IARS2: variants seen among roughly 807,000 people sequenced by gnomAD.
The protein encoded by IARS2 is isoleucyl-tRNA synthetase 2, mitochondrial.
IARS2 carries 56 observed loss-of-function variants against 126.3 expected under a neutral mutation model. The observed-to-expected ratio is 0.44, with a 90% CI of 0.36 to 0.55. The LOEUF is 0.55. Ranked by LOEUF, IARS2 falls within the 20% of genes least tolerant of loss-of-function variation. IARS2 has a pLI of 0.00. For missense variants in IARS2, 1,127 were observed against 1,245.9 expected (o/e 0.90, Z 1.44); for synonymous variants, 407 against 441.1 (o/e 0.92, Z 0.97).
intron 11 of IARS2, among the ~76,000 whole-genome samples, chr1:220,111,598 A>ATGTGTGTGTGTG (rs34903707): frequency 1.5e-5 from 2 of 134,858 alleles, no homozygotes; most frequent in East Asian, 4.4e-4. Context: ...ATATATATAT[A>ATGTGTGTGTGTG]TGTGTGTGTG....
rs138738853 is a variant in IARS2 at position 220,137,979 on chromosome 1, A to G, written c.2111A>G (p.Asn704Ser). ...DVLRWWVADSNVFTEVAIGPS... is the reference protein window; with the variant it reads ...DVLRWWVADSSVFTEVAIGPS... The stretch of plus-strand genomic sequence containing the variant: ...CTTCGCTGGTGGGTAGCTGATTCCA[A>G]TGTCTTCACCGAAGTTGCAATTGGC... Residue 704 changes from asparagine (N) to serine (S), a missense_variant, in exon 17 of 23, where the codon AAT becomes AGT. Asn to Ser is a conservative substitution (Grantham distance 46). Transcript: ENST00000366922. 1.1e-4 allele frequency: 183 copies of G among 1,614,002 alleles called. No individual in the cohort carries two copies. The highest frequency in any genetic ancestry group is 3.6e-4 in the East Asian group (16 of 44,896).
At chr1:220,135,502 G>A (rs181114065) in intron 15 of IARS2, among the ~76,000 whole-genome samples, 111 of 151,840 alleles carry the variant, frequency 7.3e-4, no homozygotes, top group Admixed American at 4.5e-3. Context: ...CTGGAATTAC[G>A]GAGCATGCCA....
intron 14 of IARS2, among the ~76,000 whole-genome samples, chr1:220,129,008 G>T (rs1433817010): frequency 6.6e-6 from 1 of 151,624 alleles, no homozygotes; most frequent in Non-Finnish European, 1.5e-5. Flanking sequence ...TCTGCCTCCT[G>T]AGTAGCTGGG....
Position 220,141,806 on chromosome 1 carries a change from C to T in IARS2, c.2418C>T (p.Leu806=). ...NFYFSIIKDR[L]YCEKENDPKR... ...TGAATAAGTTGTTCTTGTTCAGGCT[C>T]TATTGTGAAAAGGAAAATGACCCCA... Residue 806 remains leucine (L), a synonymous_variant, in exon 20 of 23, where the codon CTC becomes CTT. Transcript: ENST00000366922. 1 of 1,612,912 alleles carries T rather than the reference C, an allele frequency of 6.2e-7. No homozygotes were observed. Among genetic ancestry groups the T allele is most frequent in the Non-Finnish European group, 8.5e-7 (1 of 1,179,538 alleles).
Position 220,096,516 on chromosome 1 carries a change from T to C in IARS2, c.390+290T>C, listed in dbSNP as rs148769882. Among the ~76,000 whole-genome samples the C allele has an allele frequency of 3.7e-3, 558 of 152,344 alleles. 5 individuals are homozygous for C. The highest frequency in any genetic ancestry group is 0.012 in the African/African-American group (516 of 41,580). On this transcript the variant is annotated intron_variant, in intron 2 of 22. Coordinates refer to ENST00000366922, the MANE Select transcript of IARS2 (RefSeq NM_018060.4). ...CAGTGGACAAAAAAAAGGTATGTCT[T>C]GGCCGGGCAGTATGGCTCATGCCTG...
chr1:220,121,423 C>T (rs1657049035), intron 12 of IARS2, among the ~76,000 whole-genome samples: 1 of 152,068 alleles, frequency 6.6e-6, no homozygotes, highest in Admixed American at 6.6e-5. Context: ...GAATTTTAGA[C>T]TAGAGGTGTC....
chr1:220,117,783 G>A, intron 12 of IARS2: 1 of 460,564 alleles, frequency 2.2e-6, no homozygotes, highest in Non-Finnish European at 4.4e-6. Context: ...CATTTACATG[G>A]TAGTGTTACA....
Position 220,143,074 on chromosome 1 carries a change from T to C in IARS2, c.2691T>C (p.Asn897=), listed in dbSNP as rs147694424. 995 of 1,614,062 alleles carry C rather than the reference T, an allele frequency of 6.2e-4. 1 individual carries two copies. Among genetic ancestry groups the C allele is most frequent in the Middle Eastern group, 8.2e-4 (5 of 6,084 alleles). Residue 897 remains asparagine (N), a synonymous_variant, in exon 21 of 23, where the codon AAT becomes AAC. Transcript: ENST00000366922. ...DSFLGSIPGK[N]AAEYKVITVI... ...TTCTTGGAAGCATCCCTGGCAAAAA[T>C]GCAGCTGAGTACAAGGTTATCACTG... is the stretch of plus-strand genomic sequence containing the variant.
chr1:220,113,328 A>G (rs1381832290), intron 11 of IARS2, among the ~76,000 whole-genome samples: 7 of 152,190 alleles, frequency 4.6e-5, no homozygotes, highest in Admixed American at 2.6e-4. Context: ...CATTCTGCCA[A>G]TAGGTGGTGC....
Position 220,094,228 on chromosome 1 carries a change from G to A in IARS2, c.12G>A (p.Gly4=), listed in dbSNP as rs1370178223. 3.8e-6 allele frequency: 6 copies of A among 1,586,906 alleles called. No homozygotes were observed. Among genetic ancestry groups the A allele is most frequent in the South Asian group, 1.1e-5 (1 of 87,346 alleles). Residue 4 remains glycine, a synonymous_variant, in exon 1 of 23, where the codon GGG becomes GGA. Coordinates refer to ENST00000366922, the MANE Select transcript of IARS2 (RefSeq NM_018060.4). The part of the protein sequence containing the change: MRW[G]LRPRGPGAAA... ...GGGGTTGCCGGACCATGCGTTGGGG[G>A]CTGCGCCCTCGCGGGCCGGGCGCGG...
intron 12 of IARS2, among the ~76,000 whole-genome samples, chr1:220,124,560 C>G (rs566013574): frequency 6.6e-6 from 1 of 152,112 alleles, no homozygotes; most frequent in Non-Finnish European, 1.5e-5. Flanking sequence ...TTGTTCTTAA[C>G]AGAAGGGAAA....
At chr1:220,128,108 A>G (rs910862836) in intron 14 of IARS2, among the ~76,000 whole-genome samples, 2 of 152,172 alleles carry the variant, frequency 1.3e-5, no homozygotes, top group Admixed American at 6.6e-5. Context: ...ATTTTTTTCA[A>G]TGAAATGCAG....
At chr1:220,111,082 T>A in intron 11 of IARS2, 145 bp downstream of exon 11, 1 of 760,406 alleles carries the variant, frequency 1.3e-6, no homozygotes, top group Non-Finnish European at 2.0e-6. Flanking sequence ...GAATTTTAGA[T>A]CTGGAAGGAC....
intron 14 of IARS2, among the ~76,000 whole-genome samples, chr1:220,131,171 CTTTA>C (rs781127057): frequency 3.3e-5 from 5 of 151,486 alleles, no homozygotes; most frequent in African/African-American, 1.2e-4. Flanking sequence ...TGCATTGAAT[CTTTA>C]TTTATTTATT....
Position 220,140,225 on chromosome 1 carries a change from C to T in IARS2, c.2350C>T (p.Arg784Trp), listed in dbSNP as rs539149720. The T allele has an allele frequency of 2.0e-5, 32 of 1,612,862 alleles. No individual in the cohort carries two copies. Among genetic ancestry groups the T allele is most frequent in the African/African-American group, 2.7e-5 (2 of 74,990 alleles). Residue 784 changes from arginine (R) to tryptophan (W), a missense_variant, in exon 19 of 23, where the codon CGG (arginine) becomes TGG (tryptophan). Coordinates refer to ENST00000366922, the MANE Select transcript of IARS2 (RefSeq NM_018060.4). ...ACAATATGATTTTGGAAAAGTTGTT[C>T]GGCTGTTACGGACGTTTTATACCAG... ...YKQYDFGKVV[R>W]LLRTFYTREL...
At chr1:220,104,742 C>T (rs773774108) in intron 8 of IARS2, among the ~76,000 whole-genome samples, 1 of 151,976 alleles carries the variant, frequency 6.6e-6, no homozygotes, top group Non-Finnish European at 1.5e-5. Context: ...CTATGTTGCC[C>T]AGGCAGATCT....
rs1571863141 is a variant in IARS2, at chr1:220,137,898, A to G, written c.2050-20A>G. 2 of 1,613,298 alleles carry G rather than the reference A, an allele frequency of 1.2e-6. No homozygotes were observed. Among genetic ancestry groups the G allele is most frequent in the East Asian group, 4.5e-5 (2 of 44,870 alleles). The stretch of plus-strand genomic sequence containing the variant: ...GAATTGAAAGCCATTGTGTTTATAT[A>G]TTTTTTTCTCAATGAAAAGGATCAA... On this transcript the variant is annotated intron_variant, in intron 16 of 22. Transcript: ENST00000366922.
rs1412478212 is a variant in IARS2 at position 220,147,690 on chromosome 1, G to A, written c.*55G>A. On this transcript the variant is annotated 3_prime_UTR_variant, in exon 23 of 23. Coordinates refer to ENST00000366922, the MANE Select transcript of IARS2 (RefSeq NM_018060.4). ...CCTGACAGTACTGGCTAGAAGTTTG[G>A]ATGGATTATTTACAATATAGGAAAG... is the stretch of plus-strand genomic sequence containing the variant. 2.5e-6 allele frequency: 4 copies of A among 1,576,230 alleles called. No homozygotes were observed. The highest frequency in any genetic ancestry group is 1.4e-5 in the African/African-American group (1 of 73,784).
Position 220,102,153 on chromosome 1 carries a change from T to G in IARS2, c.575T>G (p.Ile192Ser), listed in dbSNP as rs780849818. 6.2e-7 allele frequency: 1 copy of G among 1,605,648 alleles called. No individual in the cohort carries two copies. The highest frequency in any genetic ancestry group is 2.2e-5 in the East Asian group (1 of 44,828). Residue 192 changes from isoleucine to serine, a missense_variant, in exon 4 of 23, where the codon ATT becomes AGT. Transcript: ENST00000366922. ...GCTAGATCATTTGCTAAAGCAGCCATTGAGAAACAGAAATCAGCATTTATT... is the reference window on the plus strand; with the variant it reads ...GCTAGATCATTTGCTAAAGCAGCCAGTGAGAAACAGAAATCAGCATTTATT... Reference protein sequence around the residue: ...KKARSFAKAAIEKQKSAFIRW... With the variant: ...KKARSFAKAASEKQKSAFIRW...
Sources: allele counts gnomAD v4.1 joint callset (sites outside exome capture counted in the v4.1 genomes callset), GRCh38; gene constraint gnomAD v4.1.1; transcripts MANE v1.5; gene names NCBI Gene and HGNC (gene_info 2026-07-23, HGNC 2026-07-21).